Variants in MEIS2 observed in about 807,000 individuals in gnomAD.
The protein encoded by MEIS2 is Meis homeobox 2, also known as homeobox protein Meis2.
Under a neutral mutation model 58.6 loss-of-function variants are expected in MEIS2, and 9 were observed. That is an observed-to-expected ratio of 0.15 (90% CI 0.09 to 0.27). MEIS2 has a LOEUF of 0.27. MEIS2 is among the 10% of genes least tolerant of loss of function. The pLI is 1.00. For synonymous variants in MEIS2, 221 were observed against 228.4 expected (o/e 0.97, Z 0.29); for missense variants, 427 against 635.0 (o/e 0.67, Z 3.52).
At chr15:36,989,201 T>G (rs1211792799) in intron 8 of MEIS2, among the ~76,000 whole-genome samples, 1 of 152,156 alleles carries the variant, frequency 6.6e-6, no homozygotes, top group Non-Finnish European at 1.5e-5. Context: ...AGTTAACAAG[T>G]CAGGACAGAA....
intron 8 of MEIS2, among the ~76,000 whole-genome samples, chr15:37,030,667 C>T (rs984783774): frequency 2.8e-5 from 4 of 145,438 alleles, no homozygotes; most frequent in Non-Finnish European, 6.1e-5. Flanking sequence ...ATTATTTTTT[C>T]TTTGAGACAG....
At chr15:36,894,850 T>C (rs1446060578) in intron 11 of MEIS2, 1 of 1,467,632 alleles carries the variant, frequency 6.8e-7, no homozygotes, top group Non-Finnish European at 9.6e-7. Context: ...GGCCGGAAAA[T>C]CAGCAATAAT....
chr15:37,043,652 T>G (rs567412395), intron 7 of MEIS2, among the ~76,000 whole-genome samples: 1 of 151,798 alleles, frequency 6.6e-6, no homozygotes, highest in East Asian at 1.9e-4. Flanking sequence ...CAGTAACCAG[T>G]TCTCTATCTC....
At chr15:37,049,958 G>A (rs757497786) in intron 7 of MEIS2, among the ~76,000 whole-genome samples, 8 of 152,034 alleles carry the variant, frequency 5.3e-5, no homozygotes, top group Non-Finnish European at 1.0e-4. Context: ...CTTGTGTATG[G>A]ACAAATATAT....
intron 8 of MEIS2, among the ~76,000 whole-genome samples, chr15:36,975,985 TTTTA>T (rs1460202816): frequency 2.0e-5 from 3 of 152,242 alleles, no homozygotes; most frequent in Non-Finnish European, 2.9e-5. Flanking sequence ...TATATACAAT[TTTTA>T]TTTGTCAATT....
intron 8 of MEIS2, among the ~76,000 whole-genome samples, chr15:37,014,886 T>C (rs983759763): frequency 6.6e-6 from 1 of 151,702 alleles, no homozygotes; most frequent in African/African-American, 2.4e-5. Flanking sequence ...CATAGATTTT[T>C]AACTATGGAC....
chr15:37,029,393 T>C (rs764413670), intron 8 of MEIS2, among the ~76,000 whole-genome samples: 7 of 152,204 alleles, frequency 4.6e-5, no homozygotes, highest in Non-Finnish European at 1.0e-4. Flanking sequence ...ATTTGTATTA[T>C]GTAGACCAGT....
chr15:36,994,518 GT>G (rs891017378), intron 8 of MEIS2, among the ~76,000 whole-genome samples: 2 of 152,006 alleles, frequency 1.3e-5, no homozygotes, highest in Admixed American at 1.3e-4. Context: ...TTTCGTAATG[GT>G]AAATTTTTAT....
chr15:36,978,709 A>G (rs1344372948), intron 8 of MEIS2, among the ~76,000 whole-genome samples: 1 of 152,240 alleles, frequency 6.6e-6, no homozygotes, highest in African/African-American at 2.4e-5. Flanking sequence ...TTTACAAAAA[A>G]ATCGGCTCAT....
chr15:37,016,009 C>T (rs1462699568), intron 8 of MEIS2, among the ~76,000 whole-genome samples: 1 of 152,138 alleles, frequency 6.6e-6, no homozygotes, highest in East Asian at 1.9e-4. Flanking sequence ...TCCTTTCCCC[C>T]TTCTTTCCCC....
chr15:36,998,865 C>T (rs928520134), intron 8 of MEIS2, among the ~76,000 whole-genome samples: 1 of 152,178 alleles, frequency 6.6e-6, no homozygotes, highest in African/African-American at 2.4e-5. Context: ...GAAGATTAAG[C>T]AAATTGCTGA....
At chr15:37,017,574 G>T (rs2061391087) in intron 8 of MEIS2, among the ~76,000 whole-genome samples, 1 of 152,178 alleles carries the variant, frequency 6.6e-6, no homozygotes, top group East Asian at 1.9e-4. Flanking sequence ...CTGCACTCCA[G>T]CCTAGGCAAC....
intron 8 of MEIS2, among the ~76,000 whole-genome samples, chr15:37,003,506 G>A (rs544001098): frequency 5.4e-4 from 82 of 151,926 alleles, no homozygotes; most frequent in Admixed American, 2.3e-3. Flanking sequence ...ACTTAGATAC[G>A]AACATGTTGG....
chr15:37,025,707 T>C (rs944606776), intron 8 of MEIS2, among the ~76,000 whole-genome samples: 3 of 134,390 alleles, frequency 2.2e-5, no homozygotes, highest in Admixed American at 7.7e-5. Flanking sequence ...TACAAGTACA[T>C]AAGGACCAAA....
At chr15:37,081,223 A>G (rs1892166866) in intron 7 of MEIS2, among the ~76,000 whole-genome samples, 2 of 152,160 alleles carry the variant, frequency 1.3e-5, no homozygotes. Flanking sequence ...ACAGTTTTCC[A>G]TATGCCTGTT....
At chr15:36,937,853 A>C (rs947829197) in intron 9 of MEIS2, among the ~76,000 whole-genome samples, 3 of 152,190 alleles carry the variant, frequency 2.0e-5, no homozygotes, top group East Asian at 3.8e-4. Context: ...GGGGTTGTCT[A>C]TTTGAGTCAA....
intron 7 of MEIS2, among the ~76,000 whole-genome samples, chr15:37,079,904 C>A (rs1036515803): frequency 6.6e-6 from 1 of 151,806 alleles, no homozygotes; most frequent in African/African-American, 2.4e-5. Flanking sequence ...GGTTAACGTG[C>A]GTGTGGTGTG....
At chr15:37,009,027 C>T (rs1251681476) in intron 8 of MEIS2, among the ~76,000 whole-genome samples, 5 of 152,140 alleles carry the variant, frequency 3.3e-5, no homozygotes, top group East Asian at 3.9e-4. Flanking sequence ...TGGTGGCTTA[C>T]GCCTGTAATC....
intron 7 of MEIS2, among the ~76,000 whole-genome samples, chr15:37,082,214 G>C (rs1892317694): frequency 6.6e-6 from 1 of 152,162 alleles, no homozygotes; most frequent in Admixed American, 6.6e-5. Flanking sequence ...GTAATTGCAA[G>C]AATGTGAAAA....
Sources: allele counts gnomAD v4.1 joint callset (sites outside exome capture counted in the v4.1 genomes callset), GRCh38; gene constraint gnomAD v4.1.1; transcripts MANE v1.5; gene names NCBI Gene and HGNC (gene_info 2026-07-23, HGNC 2026-07-21).